Variants in SORT1 observed in about 807,000 individuals in gnomAD.
SORT1 encodes sortilin 1, also known as sortilin.
Under a neutral mutation model 101.7 loss-of-function variants are expected in SORT1, and 39 were observed. The observed-to-expected ratio is 0.38, with a 90% CI of 0.30 to 0.50. The LOEUF (loss-of-function observed/expected upper bound fraction) is 0.50, where lower values mean the gene tolerates loss of function less well. SORT1 is among the 20% of genes least tolerant of loss of function. The pLI, the probability that SORT1 is intolerant of heterozygous loss-of-function variation, is 0.90. For missense variants in SORT1, 878 were observed against 1,040.4 expected (o/e 0.84, Z 2.15); for synonymous variants, 396 against 393.7 (o/e 1.01, Z -0.07).
chr1:109,350,835 C>A, intron 6 of SORT1, 94 bp downstream of exon 6: 1 of 869,356 alleles, frequency 1.2e-6, no homozygotes, highest in Non-Finnish European at 2.0e-6. Flanking sequence ...GTACTTGGCA[C>A]ACAGTAAGTG....
intron 1 of SORT1, among the ~76,000 whole-genome samples, chr1:109,381,325 A>G (rs1652218529): frequency 1.3e-5 from 2 of 152,192 alleles, no homozygotes; most frequent in Non-Finnish European, 2.9e-5. Flanking sequence ...ATATTACTAT[A>G]CCTGTATATT....
intron 12 of SORT1, 79 bp downstream of exon 12, chr1:109,327,420 G>A: frequency 1.1e-6 from 1 of 871,562 alleles, no homozygotes; most frequent in Non-Finnish European, 1.8e-6. Flanking sequence ...TCTTCTCAGA[G>A]CGTTCAAAGC....
intron 11 of SORT1, among the ~76,000 whole-genome samples, chr1:109,336,005 A>G (rs1648798063): frequency 6.6e-6 from 1 of 152,198 alleles, no homozygotes; most frequent in African/African-American, 2.4e-5. Context: ...TGAACCACAA[A>G]TTGTTAGCCC....
At chr1:109,335,468 G>A (rs1431925891) in intron 11 of SORT1, among the ~76,000 whole-genome samples, 3 of 152,096 alleles carry the variant, frequency 2.0e-5, no homozygotes, top group Non-Finnish European at 4.4e-5. Flanking sequence ...GGTGTAGGAA[G>A]GCACACTTTC....
At chr1:109,363,733 T>C (rs1650895665) in intron 3 of SORT1, among the ~76,000 whole-genome samples, 1 of 152,204 alleles carries the variant, frequency 6.6e-6, no homozygotes, top group Admixed American at 6.5e-5. Flanking sequence ...GCGAAGATGG[T>C]CTAACGAATA....
intron 14 of SORT1, among the ~76,000 whole-genome samples, 179 bp downstream of exon 14, chr1:109,324,720 G>A (rs1321681800): frequency 6.6e-6 from 1 of 152,164 alleles, no homozygotes; most frequent in Non-Finnish European, 1.5e-5. Flanking sequence ...TAGCACCGAG[G>A]AGGAGGTTGT....
intron 1 of SORT1, among the ~76,000 whole-genome samples, chr1:109,390,627 C>CTA (rs1293655315): frequency 6.6e-6 from 1 of 151,902 alleles, no homozygotes. Flanking sequence ...ATGATTTGAA[C>CTA]TAACTTGTCT....
At position 109,309,980 on chromosome 1, in the gene SORT1, G is replaced by T. The variant is rs1209931773; in HGVS notation, c.*4063C>A. On this transcript the variant is annotated 3_prime_UTR_variant, in exon 20 of 20. Transcript: ENST00000256637. The stretch of plus-strand genomic sequence containing the variant: ...GACCCTGAGCATTTCTGTGCACGAG[G>T]ATAAGGAGAGTATGACCAAAACCCT... The T allele has an allele frequency of 6.6e-6, 1 of 152,630 alleles. No individual in the cohort carries two copies. Among genetic ancestry groups the T allele is most frequent in the Non-Finnish European group, 1.5e-5 (1 of 68,056 alleles). 9.5% of individuals were successfully genotyped at this position (152,630 alleles called of 1,614,324 possible). A position where few individuals can be genotyped will look rare whatever the true frequency, so the allele number is the denominator to read the frequency against.
Position 109,367,461 on chromosome 1 carries a change from G to T in SORT1, c.387C>A (p.Thr129=). Residue 129 remains threonine, a synonymous_variant, in exon 3 of 20, where the codon ACC becomes ACA. Coordinates refer to ENST00000256637, the MANE Select transcript of SORT1 (RefSeq NM_002959.7). ...TCATAATTACCAGTGGTACATGGAA[G>T]GTAGTCAAGACTAGAATGACCTGGA... The part of the protein sequence containing the change: ...DSTGVILVLT[T]FHVPLVIMTF... 1 of 1,605,652 alleles carries T rather than the reference G, an allele frequency of 6.2e-7. No homozygotes were observed. Among genetic ancestry groups the T allele is most frequent in the Non-Finnish European group, 8.5e-7 (1 of 1,172,654 alleles).
intron 11 of SORT1, among the ~76,000 whole-genome samples, chr1:109,330,507 T>G (rs1648391873): frequency 6.6e-6 from 1 of 152,170 alleles, no homozygotes; most frequent in Non-Finnish European, 1.5e-5. Flanking sequence ...AAGTTTATGG[T>G]GATAAATGTC....
At chr1:109,327,315 G>A (rs1049335141) in intron 12 of SORT1, among the ~76,000 whole-genome samples, 155 bp from the exon 13 acceptor site, 4 of 152,254 alleles carry the variant, frequency 2.6e-5, no homozygotes, top group Non-Finnish European at 5.9e-5. Context: ...CGGAGAAGTT[G>A]TGTTGCTCTC....
At chr1:109,362,719 CTGAT>C in intron 3 of SORT1, among the ~76,000 whole-genome samples, 1 of 151,838 alleles carries the variant, frequency 6.6e-6, no homozygotes, top group East Asian at 1.9e-4. Context: ...TCATCTTACT[CTGAT>C]TGACAACTTT....
In SORT1 at chr1:109,327,599, G is replaced by C; in HGVS notation, c.1374C>G (p.Cys458Trp). 6.3e-7 allele frequency: 1 copy of C among 1,576,936 alleles called. No homozygotes were observed. The highest frequency in any genetic ancestry group is 8.6e-7 in the Non-Finnish European group (1 of 1,161,754). The change falls in exon 12 of 20, where the codon TGC becomes TGG. Residue 458 changes from cysteine (C) to tryptophan (W), a missense_variant and splice_region_variant. Coordinates refer to ENST00000256637, the MANE Select transcript of SORT1 (RefSeq NM_002959.7). ...TGTAGGAAGCATGAATATGAAGGCT[G>C]CACTGTGAAAAGAAACAAAAGCGTA... ...CDATAKNKNE[C>W]SLHIHASYSI...
At chr1:109,371,557 A>C (rs1298685456) in intron 1 of SORT1, among the ~76,000 whole-genome samples, 1 of 152,194 alleles carries the variant, frequency 6.6e-6, no homozygotes, top group Non-Finnish European at 1.5e-5. Context: ...GTAAGATATC[A>C]GTCTTGAGCC....
chr1:109,360,028 C>A (rs1001080681), intron 3 of SORT1, among the ~76,000 whole-genome samples: 1 of 152,044 alleles, frequency 6.6e-6, no homozygotes, highest in Admixed American at 6.6e-5. Flanking sequence ...ATGGAAAAGA[C>A]GAAAGGTGAC....
intron 11 of SORT1, among the ~76,000 whole-genome samples, chr1:109,333,129 T>C (rs1469795312): frequency 2.0e-5 from 3 of 152,160 alleles, no homozygotes; most frequent in Non-Finnish European, 4.4e-5. Flanking sequence ...GATTTCACCA[T>C]GTTGGCCAGG....
In SORT1 at chr1:109,354,360, G is replaced by A; in HGVS notation, c.708+7C>T. The A allele has an allele frequency of 6.2e-7, 1 of 1,608,646 alleles. No individual in the cohort carries two copies. The highest frequency in any genetic ancestry group is 1.7e-5 in the Admixed American group (1 of 59,764). ...AAAGGCAAACCATGTTCCTCAACTG[G>A]ACTTACTTCAGTGCTGAGAGCTAAA... is the stretch of plus-strand genomic sequence containing the variant. On this transcript the variant is annotated splice_region_variant and intron_variant, in intron 5 of 19. Coordinates refer to ENST00000256637, the MANE Select transcript of SORT1 (RefSeq NM_002959.7).
intron 12 of SORT1, 117 bp from the exon 13 acceptor site, chr1:109,327,277 T>C: frequency 2.0e-6 from 2 of 1,019,784 alleles, no homozygotes; most frequent in Non-Finnish European, 2.8e-6. Flanking sequence ...AAGCCTCTTT[T>C]AGTAGGAAAG....
At chr1:109,340,580 A>G (rs946745077) in intron 10 of SORT1, 144 bp downstream of exon 10, 4 of 789,582 alleles carry the variant, frequency 5.1e-6, no homozygotes, top group Non-Finnish European at 7.9e-6. Context: ...GCCACAATAA[A>G]AAAAAAAAAG....
Sources: gnomAD v4.1 joint callset for allele counts (sites outside exome capture counted in the v4.1 genomes callset) on GRCh38, gnomAD v4.1.1 for gene constraint, MANE v1.5 for transcripts, NCBI Gene and HGNC (gene_info 2026-07-23, HGNC 2026-07-21) for gene names.